Variants in WDPCP observed in about 807,000 individuals in gnomAD.
The protein encoded by WDPCP is WD repeat-containing and planar cell polarity effector protein fritz homolog.
A neutral mutation model predicts 93.1 loss-of-function variants in WDPCP; 71 were observed. The observed-to-expected ratio is 0.76, with a 90% CI of 0.63 to 0.93. The LOEUF (loss-of-function observed/expected upper bound fraction) is 0.93, where lower values mean the gene tolerates loss of function less well. WDPCP is among the 40% of genes least tolerant of loss of function. The probability of loss-of-function intolerance (pLI) is 0.00; values close to 1 mark genes in which losing one functional copy is unlikely to be tolerated. For missense variants in WDPCP, 844 were observed against 887.4 expected (o/e 0.95, Z 0.62); for synonymous variants, 315 against 315.0 (o/e 1.00, Z 0.00).
chr2:63,590,948 T>G (rs1355698496), upstream of WDPCP: 1 of 152,208 alleles, frequency 6.6e-6, no homozygotes, highest in African/African-American at 2.4e-5. Context: ...CAAAATAAAC[T>G]GTATGAAGGA....
chr2:63,605,297 C>T lies in WDPCP; in HGVS notation n.488+45362G>A, dbSNP rs542095115. ...CTTCCCAGACTGTGCAGCAGCGTGG[C>T]GCTGCTGTCATCAAGGCTCGAAAAC... is the stretch of plus-strand genomic sequence containing the variant. On this transcript the variant is annotated intron_variant and non_coding_transcript_variant, in intron 3 of 4. Transcript: ENST00000467687. 19 of 1,613,418 alleles carry T rather than the reference C, an allele frequency of 1.2e-5. No individual in the cohort carries two copies. Among genetic ancestry groups the T allele is most frequent in the African/African-American group, 4.0e-5 (3 of 75,016 alleles).
upstream of WDPCP, chr2:63,593,673 C>T (rs1001009378): frequency 1.7e-5 from 8 of 471,354 alleles, no homozygotes; most frequent in Middle Eastern, 3.2e-4. Flanking sequence ...CCAGCATTAT[C>T]GGGGAAAGGA....
intron 17 of WDPCP, among the ~76,000 whole-genome samples, chr2:63,139,824 C>T (rs1450346193): frequency 6.6e-6 from 1 of 152,052 alleles, no homozygotes; most frequent in Non-Finnish European, 1.5e-5. Flanking sequence ...TAATTAGGTC[C>T]CAGCTATTTC....
chr2:63,173,046 G>A (rs977619303), intron 15 of WDPCP, among the ~76,000 whole-genome samples: 7 of 152,176 alleles, frequency 4.6e-5, no homozygotes, highest in African/African-American at 1.7e-4. Context: ...TGGATCACCT[G>A]AGGTCAGGAG....
intron 6 of WDPCP, among the ~76,000 whole-genome samples, chr2:63,484,371 T>G (rs930326041): frequency 2.6e-5 from 4 of 152,004 alleles, no homozygotes; most frequent in Non-Finnish European, 5.9e-5. Flanking sequence ...GAAAAGATTT[T>G]TATTAGTGTT....
At chr2:63,840,169 T>G in the WDPCP span, among the ~76,000 whole-genome samples, 1 of 152,112 alleles carries the variant, frequency 6.6e-6, no homozygotes, top group Non-Finnish European at 1.5e-5. Context: ...AGTCTTAAAG[T>G]GGAAATGCAA....
At chr2:63,701,257 G>T (rs1431050189) in intron 2 of WDPCP, among the ~76,000 whole-genome samples, 1 of 152,060 alleles carries the variant, frequency 6.6e-6, no homozygotes, top group African/African-American at 2.4e-5. Context: ...AAAAAAAAAT[G>T]CTCAACATTG....
At chr2:63,807,805 A>G (rs1302037507) in intron 2 of WDPCP, among the ~76,000 whole-genome samples, 2 of 152,230 alleles carry the variant, frequency 1.3e-5, no homozygotes, top group Non-Finnish European at 2.9e-5. Context: ...ACTGTTCTGT[A>G]TGAAAGAACT....
intron 1 of WDPCP, among the ~76,000 whole-genome samples, chr2:63,539,083 G>C (rs1215721989): frequency 6.6e-6 from 1 of 152,074 alleles, no homozygotes; most frequent in Non-Finnish European, 1.5e-5. Context: ...TTGTTTAAAT[G>C]TTTGTTGCTA....
chr2:63,685,093 A>G (rs143486463), intron 2 of WDPCP, among the ~76,000 whole-genome samples: 147 of 152,304 alleles, frequency 9.7e-4, no homozygotes, highest in African/African-American at 3.4e-3. Flanking sequence ...TCAAAATTGT[A>G]GAAGAAATAA....
intron 6 of WDPCP, among the ~76,000 whole-genome samples, chr2:63,447,907 G>A (rs907770160): frequency 7.9e-5 from 12 of 152,040 alleles, no homozygotes; most frequent in Admixed American, 7.2e-4. Flanking sequence ...GTTACTACTG[G>A]AGAAGGGAAT....
chr2:63,591,231 AT>A (rs1053245498), upstream of WDPCP, among the ~76,000 whole-genome samples: 5 of 152,254 alleles, frequency 3.3e-5, no homozygotes, highest in African/African-American at 4.8e-5. Flanking sequence ...ACACTATAAC[AT>A]TGTGAAAGTC....
chr2:63,235,332 G>C (rs1679294653), intron 14 of WDPCP, among the ~76,000 whole-genome samples: 1 of 152,126 alleles, frequency 6.6e-6, no homozygotes, highest in Non-Finnish European at 1.5e-5. Flanking sequence ...TAAACAACAA[G>C]TTGTGAAAAT....
intron 5 of WDPCP, 62 bp downstream of exon 5, chr2:63,484,855 G>GT: frequency 4.5e-6 from 7 of 1,569,798 alleles, no homozygotes; most frequent in Non-Finnish European, 6.1e-6. Flanking sequence ...AATTAAAGCT[G>GT]TTGAAAGATG....
intron 1 of WDPCP, among the ~76,000 whole-genome samples, chr2:63,577,342 G>C: frequency 6.6e-6 from 1 of 152,148 alleles, no homozygotes; most frequent in South Asian, 2.1e-4. Flanking sequence ...TACATGGAAA[G>C]TATTGTACCT....
chr2:63,767,668 T>C (rs1478705970), intron 2 of WDPCP, among the ~76,000 whole-genome samples: 2 of 152,150 alleles, frequency 1.3e-5, no homozygotes, highest in Non-Finnish European at 2.9e-5. Context: ...AAATATCTTA[T>C]CTGTAGGTTT....
chr2:63,706,661 C>A (rs1235275111), intron 2 of WDPCP, among the ~76,000 whole-genome samples: 6 of 125,394 alleles, frequency 4.8e-5, no homozygotes. Context: ...CCAGGCTGGA[C>A]TGCGGACTGC....
chr2:63,834,013 A>C, the WDPCP span, among the ~76,000 whole-genome samples: 7 of 152,306 alleles, frequency 4.6e-5, no homozygotes, highest in African/African-American at 1.7e-4. Flanking sequence ...AATAATTATC[A>C]ATGTGGTTTT....
intron 1 of WDPCP, among the ~76,000 whole-genome samples, chr2:63,548,573 A>G (rs571395731): frequency 9.9e-5 from 15 of 152,266 alleles, no homozygotes; most frequent in South Asian, 2.1e-4. Context: ...CTCTTCTAAA[A>G]CTCAATTTGG....
Sources: gnomAD v4.1 joint callset for allele counts (sites outside exome capture counted in the v4.1 genomes callset) on GRCh38, gnomAD v4.1.1 for gene constraint, MANE v1.5 for transcripts, NCBI Gene and HGNC (gene_info 2026-07-23, HGNC 2026-07-21) for gene names.